QKI: variants seen among roughly 807,000 people sequenced by gnomAD.
The protein encoded by QKI is KH domain-containing RNA-binding protein QKI.
Under a neutral mutation model 39.0 loss-of-function variants are expected in QKI, and 10 were observed. That is an observed-to-expected ratio of 0.26 (90% CI 0.16 to 0.43). The LOEUF (loss-of-function observed/expected upper bound fraction) is 0.43, where lower values mean the gene tolerates loss of function less well. QKI is among the 20% of genes least tolerant of loss of function. QKI has a pLI of 1.00. For synonymous variants in QKI, 204 were observed against 155.4 expected, an observed-to-expected ratio of 1.31 and a Z score of -2.33; for missense variants, 218 against 428.0, an observed-to-expected ratio of 0.51 and a Z score of 4.33.
rs760849466 is a variant in QKI at position 163,551,628 on chromosome 6, T to C, written c.547-10354T>C. Among the ~76,000 whole-genome samples, 3 of 152,352 alleles carry C rather than the reference T, an allele frequency of 2.0e-5. No homozygotes were observed. The South Asian group carries it at 6.2e-4, about 32-fold the overall frequency. On this transcript the variant is annotated intron_variant, in intron 4 of 7. Transcript: ENST00000361752. ...GTAGCAGTCATGACATAAAATTGTT[T>C]TAAATGCCAGGTAGTTTTCTACCGC...
At position 163,414,888 on chromosome 6, in the gene QKI, G is replaced by T. The variant is rs1249692683; in HGVS notation, c.-306G>T. ...CGCCAGCAGCCCGCGCCCCGCGCCC[G>T]CACTCGGCCAGCCGAGACCCGCCTC... On this transcript the variant is annotated 5_prime_UTR_variant, in exon 1 of 8. Coordinates refer to ENST00000361752, the MANE Select transcript of QKI (RefSeq NM_006775.3). The T allele has an allele frequency of 6.9e-6, 1 of 145,704 alleles. No individual in the cohort carries two copies. The highest frequency in any genetic ancestry group is 2.0e-4 in the East Asian group (1 of 4,912). 9.0% of individuals were successfully genotyped at this position (145,704 alleles called of 1,614,324 possible).
At chr6:163,468,936 AC>A (rs1186633241) in intron 2 of QKI, among the ~76,000 whole-genome samples, 1 of 151,584 alleles carries the variant, frequency 6.6e-6, no homozygotes, top group Non-Finnish European at 1.5e-5. Context: ...TTCTCTACTT[AC>A]AACATTTTGA....
intron 3 of QKI, among the ~76,000 whole-genome samples, chr6:163,484,153 C>T (rs1167950063): frequency 6.6e-6 from 1 of 151,678 alleles, no homozygotes; most frequent in Non-Finnish European, 1.5e-5. Context: ...TGCTGACATC[C>T]AGGCTTTGTT....
intron 3 of QKI, among the ~76,000 whole-genome samples, chr6:163,506,790 A>G (rs1277733469): frequency 1.3e-5 from 2 of 152,176 alleles, no homozygotes; most frequent in Admixed American, 1.3e-4. Flanking sequence ...AATTGCTAGA[A>G]TTTTTAATAT....
chr6:163,416,223 C>G (rs553184159), intron 1 of QKI: 1 of 333,956 alleles, frequency 3.0e-6, no homozygotes, highest in Non-Finnish European at 5.9e-6. Context: ...CCAAAGTTTC[C>G]AAAAAGCTGT....
At chr6:163,485,014 A>G (rs771823247) in intron 3 of QKI, among the ~76,000 whole-genome samples, 3 of 152,174 alleles carry the variant, frequency 2.0e-5, no homozygotes, top group African/African-American at 7.2e-5. Flanking sequence ...TGGGAGATTC[A>G]GGGGTTTTAG....
At chr6:163,478,113 T>C (rs574354024) in intron 2 of QKI, among the ~76,000 whole-genome samples, 6 of 152,288 alleles carry the variant, frequency 3.9e-5, no homozygotes, top group African/African-American at 1.4e-4. Context: ...ATTAGGAATT[T>C]CTGTTGAGGG....
At chr6:163,561,471 G>A (rs1029125123) in intron 4 of QKI, among the ~76,000 whole-genome samples, 1 of 152,112 alleles carries the variant, frequency 6.6e-6, no homozygotes, top group African/African-American at 2.4e-5. Flanking sequence ...AGCCAGGCAT[G>A]GTGGCGCGTG....
chr6:163,548,010 T>C (rs544802961), intron 4 of QKI, among the ~76,000 whole-genome samples: 2 of 152,290 alleles, frequency 1.3e-5, no homozygotes, highest in African/African-American at 4.8e-5. Flanking sequence ...CCTTTACACT[T>C]ACACCCACAC....
intron 4 of QKI, among the ~76,000 whole-genome samples, chr6:163,558,635 A>G (rs1460900412): frequency 2.0e-5 from 3 of 151,938 alleles, no homozygotes; most frequent in Non-Finnish European, 4.4e-5. Context: ...CCTAATCTTC[A>G]TGATCTGCCC....
At chr6:163,546,620 A>G (rs1342117784) in intron 4 of QKI, among the ~76,000 whole-genome samples, 1 of 151,772 alleles carries the variant, frequency 6.6e-6, no homozygotes, top group African/African-American at 2.4e-5. Context: ...CTACATTTCA[A>G]ATGTTTTAGT....
chr6:163,500,747 T>C (rs1425588407), intron 3 of QKI, among the ~76,000 whole-genome samples: 1 of 152,188 alleles, frequency 6.6e-6, no homozygotes, highest in Non-Finnish European at 1.5e-5. Context: ...ACAAATACTT[T>C]ATGAATTAGT....
intron 2 of QKI, among the ~76,000 whole-genome samples, chr6:163,469,779 T>A (rs1246284288): frequency 2.6e-5 from 4 of 152,140 alleles, no homozygotes; most frequent in African/African-American, 7.2e-5. Context: ...AGTGATGATG[T>A]TGTAGAAAAA....
chr6:163,570,542 A>G (rs1376158937), intron 7 of QKI, 152 bp from the exon 8 acceptor site: 36 of 1,436,474 alleles, frequency 2.5e-5, no homozygotes, highest in Non-Finnish European at 3.3e-5. Flanking sequence ...GATGGTGTCA[A>G]TCAGTTTGTC....
intron 4 of QKI, among the ~76,000 whole-genome samples, chr6:163,553,150 C>T (rs1377633062): frequency 6.7e-6 from 1 of 149,356 alleles, no homozygotes; most frequent in Admixed American, 6.8e-5. Context: ...GTTGCCTAGG[C>T]TGGAGTGCAA....
intron 6 of QKI, chr6:163,565,840 C>A: frequency 6.7e-7 from 1 of 1,490,008 alleles, no homozygotes; most frequent in Non-Finnish European, 9.0e-7. Flanking sequence ...AAGCAGTGCC[C>A]TTCAAAACAG....
At chr6:163,464,431 G>A (rs1248277059) in intron 2 of QKI, among the ~76,000 whole-genome samples, 1 of 151,698 alleles carries the variant, frequency 6.6e-6, no homozygotes, top group Non-Finnish European at 1.5e-5. Flanking sequence ...GTTGGTTTTT[G>A]AAAAGGTAAA....
At chr6:163,550,277 C>G (rs1419152763) in intron 4 of QKI, among the ~76,000 whole-genome samples, 1 of 152,056 alleles carries the variant, frequency 6.6e-6, no homozygotes, top group Non-Finnish European at 1.5e-5. Context: ...AGTGTGTTCG[C>G]CCAGGTCTGT....
intron 3 of QKI, among the ~76,000 whole-genome samples, chr6:163,518,565 A>G (rs543270422): frequency 1.3e-5 from 2 of 152,332 alleles, no homozygotes; most frequent in South Asian, 4.1e-4. Flanking sequence ...AACCTTATGA[A>G]CATTTTAAGG....
Sources: allele counts gnomAD v4.1 joint callset (sites outside exome capture counted in the v4.1 genomes callset), GRCh38; gene constraint gnomAD v4.1.1; transcripts MANE v1.5; gene names NCBI Gene and HGNC (gene_info 2026-07-23, HGNC 2026-07-21).